SLC8A1: variants seen among roughly 807,000 people sequenced by gnomAD.
SLC8A1 encodes the protein solute carrier family 8 member A1.
A neutral mutation model predicts 68.3 loss-of-function variants in SLC8A1; 18 were observed. That is an observed-to-expected ratio of 0.26 (90% CI 0.18 to 0.39). The LOEUF (loss-of-function observed/expected upper bound fraction) is 0.39. SLC8A1 is among the 10% of genes least tolerant of loss of function. The pLI is 1.00. For missense variants in SLC8A1, 985 were observed against 1,156.7 expected, an observed-to-expected ratio of 0.85 and a Z score of 2.15; for synonymous variants, 475 against 415.5, an observed-to-expected ratio of 1.14 and a Z score of -1.74.
intron 1 of SLC8A1, among the ~76,000 whole-genome samples, chr2:40,450,043 C>A (rs576713306): frequency 2.0e-5 from 3 of 152,282 alleles, no homozygotes; most frequent in African/African-American, 7.2e-5. Flanking sequence ...TAAGAGCACA[C>A]ATCTTGCCTC....
chr2:40,239,590 G>T (rs2060927883), intron 2 of SLC8A1, among the ~76,000 whole-genome samples: 1 of 152,170 alleles, frequency 6.6e-6, no homozygotes, highest in Non-Finnish European at 1.5e-5. Context: ...CACAGTCACT[G>T]TGCTGCCTCG....
chr2:40,511,412 T>C (rs1331378099), intron 1 of SLC8A1, among the ~76,000 whole-genome samples: 1 of 152,204 alleles, frequency 6.6e-6, no homozygotes, highest in Non-Finnish European at 1.5e-5. Context: ...TATGCTTTAA[T>C]TTAATAACTA....
intron 2 of SLC8A1, among the ~76,000 whole-genome samples, chr2:40,323,128 T>C (rs1167898539): frequency 2.0e-5 from 3 of 152,162 alleles, no homozygotes; most frequent in Non-Finnish European, 4.4e-5. Context: ...CAACATCACA[T>C]AGGCAACTAT....
At chr2:40,385,479 C>T (rs1463506537) in intron 2 of SLC8A1, among the ~76,000 whole-genome samples, 1 of 147,370 alleles carries the variant, frequency 6.8e-6, no homozygotes, top group African/African-American at 2.6e-5. Flanking sequence ...TACGAAAAGA[C>T]AGAAGTATAA....
intron 1 of SLC8A1, among the ~76,000 whole-genome samples, chr2:40,434,753 T>C (rs1390573292): frequency 2.0e-5 from 3 of 152,214 alleles, no homozygotes; most frequent in African/African-American, 7.2e-5. Context: ...CTGATCACTA[T>C]TTATTTTAAA....
At chr2:40,442,090 C>A (rs1360541958) in intron 1 of SLC8A1, among the ~76,000 whole-genome samples, 2 of 148,160 alleles carry the variant, frequency 1.3e-5, no homozygotes, top group Non-Finnish European at 3.0e-5. Context: ...AGGAGATATA[C>A]CTAATGCTAA....
At chr2:40,471,956 A>G (rs1014348402) in intron 1 of SLC8A1, among the ~76,000 whole-genome samples, 6 of 152,194 alleles carry the variant, frequency 3.9e-5, no homozygotes, top group Non-Finnish European at 7.3e-5. Flanking sequence ...CAGGGCATCA[A>G]TCACATTAGG....
At chr2:40,253,230 T>A (rs188062880) in intron 2 of SLC8A1, among the ~76,000 whole-genome samples, 1 of 149,854 alleles carries the variant, frequency 6.7e-6, no homozygotes, top group Admixed American at 6.7e-5. Context: ...TACATATACA[T>A]ACATGTGCGT....
Position 40,471,712 on chromosome 2 carries a change from A to G in SLC8A1, c.-25+40637T>C, listed in dbSNP as rs1289728191. On this transcript the variant is annotated intron_variant, in intron 1 of 7. Coordinates refer to the SLC8A1 transcript ENST00000402441. The stretch of plus-strand genomic sequence containing the variant: ...CCCAAGGAAATAAAGTTGACAGGAA[A>G]TCTGAAATGATTAATGCAATTGCAA... Among the ~76,000 whole-genome samples the G allele has an allele frequency of 2.6e-5, 4 of 152,212 alleles. No homozygotes were observed. In the East Asian group the frequency reaches 5.8e-4, roughly 22 times the overall value.
intron 1 of SLC8A1, among the ~76,000 whole-genome samples, chr2:40,477,282 G>GT (rs567751687): frequency 6.6e-6 from 1 of 152,090 alleles, no homozygotes; most frequent in Non-Finnish European, 1.5e-5. Context: ...AGAAAACCTT[G>GT]TGTTGTAGTC....
exon 8 of SLC8A1, chr2:40,112,079 G>T: frequency 6.6e-6 from 1 of 152,504 alleles, no homozygotes. Context: ...AAGGGTTGAC[G>T]TTTGCAAGAG....
chr2:40,472,996 C>G (rs1433151814), intron 1 of SLC8A1, among the ~76,000 whole-genome samples: 4 of 150,848 alleles, frequency 2.7e-5, no homozygotes, highest in Non-Finnish European at 4.4e-5. Context: ...AGGCAGATAA[C>G]TCAGATTTGG....
At chr2:40,321,185 C>T (rs528061928) in intron 2 of SLC8A1, among the ~76,000 whole-genome samples, 1 of 152,180 alleles carries the variant, frequency 6.6e-6, no homozygotes, top group South Asian at 2.1e-4. Context: ...TTCTGTCGTA[C>T]AAATCCAACA....
At chr2:40,152,782 C>G (rs2043696506) in intron 6 of SLC8A1, among the ~76,000 whole-genome samples, 1 of 151,856 alleles carries the variant, frequency 6.6e-6, no homozygotes, top group Non-Finnish European at 1.5e-5. Context: ...GTGGGACACT[C>G]AGCAAGACCT....
intron 1 of SLC8A1, among the ~76,000 whole-genome samples, chr2:40,444,743 C>T (rs1156879659): frequency 6.6e-6 from 1 of 152,146 alleles, no homozygotes; most frequent in Non-Finnish European, 1.5e-5. Context: ...ATTTCAGTGT[C>T]CACAAGTAAC....
At chr2:40,160,049 A>T (rs967003164) in intron 6 of SLC8A1, among the ~76,000 whole-genome samples, 1 of 148,392 alleles carries the variant, frequency 6.7e-6, no homozygotes, top group Non-Finnish European at 1.5e-5. Context: ...GAACAGGAAA[A>T]AAAATCCAAG....
intron 1 of SLC8A1, among the ~76,000 whole-genome samples, chr2:40,445,098 A>G (rs1701199720): frequency 6.6e-6 from 1 of 152,210 alleles, no homozygotes; most frequent in East Asian, 1.9e-4. Context: ...CAAATATTTT[A>G]CTAATATTAA....
chr2:40,315,295 A>G lies in SLC8A1; in HGVS notation c.1808+113178T>C, dbSNP rs564740061. On this transcript the variant is annotated intron_variant, in intron 2 of 7. Transcript: ENST00000406785. Reference sequence around the variant, plus strand: ...GTTCGTCAGTATGGTGGTTATCAATACAGTAATATGGTTAACATTTTATTA... The same window carrying G: ...GTTCGTCAGTATGGTGGTTATCAATGCAGTAATATGGTTAACATTTTATTA... Among the ~76,000 whole-genome samples, 13 of 152,044 alleles carry G rather than the reference A, an allele frequency of 8.6e-5. 1 individual carries two copies. In the South Asian group the frequency reaches 1.5e-3, roughly 17 times the overall value.
chr2:40,307,162 C>CACACACACAA (rs1211916030), intron 2 of SLC8A1, among the ~76,000 whole-genome samples: 1 of 151,308 alleles, frequency 6.6e-6, no homozygotes, highest in East Asian at 1.9e-4. Flanking sequence ...CACACACACA[C>CACACACACAA]ACACACACAA....
Sources: gnomAD v4.1 joint callset for allele counts (sites outside exome capture counted in the v4.1 genomes callset) on GRCh38, gnomAD v4.1.1 for gene constraint, MANE v1.5 for transcripts, NCBI Gene and HGNC (gene_info 2026-07-23, HGNC 2026-07-21) for gene names.